The following AGTPBP1 variants were observed in gnomAD, a reference collection of about 807,000 sequenced individuals.
AGTPBP1 encodes cytosolic carboxypeptidase 1.
AGTPBP1 carries 70 observed loss-of-function variants against 143.9 expected under a neutral mutation model. The observed-to-expected ratio is 0.49, with a 90% CI of 0.40 to 0.59. AGTPBP1 has a LOEUF of 0.59. Among genes scored for constraint, AGTPBP1 ranks in the 20% least tolerant of loss-of-function variants. The pLI is 0.00. For missense variants in AGTPBP1, 1,229 were observed against 1,464.5 expected, an observed-to-expected ratio of 0.84 and a Z score of 2.62; for synonymous variants, 463 against 500.2, an observed-to-expected ratio of 0.93 and a Z score of 0.99.
chr9:85,615,467 T>C (rs1171969204), intron 17 of AGTPBP1, among the ~76,000 whole-genome samples: 6 of 152,120 alleles, frequency 3.9e-5, no homozygotes, highest in African/African-American at 4.8e-5. Flanking sequence ...CAATAGAATA[T>C]TACACAGACA....
chr9:85,578,925 A>G lies in AGTPBP1; in HGVS notation c.3337T>C (p.Tyr1113His). 1.2e-6 allele frequency: 2 copies of G among 1,612,606 alleles called. No individual in the cohort carries two copies. The highest frequency in any genetic ancestry group is 1.7e-6 in the Non-Finnish European group (2 of 1,179,456). The change falls in exon 24 of 26, where the codon TAC (tyrosine) becomes CAC (histidine). Residue 1113 changes from tyrosine to histidine, a missense_variant. Tyr to His is a moderately conservative substitution (Grantham distance 83). Coordinates refer to ENST00000357081, the MANE Select transcript of AGTPBP1 (RefSeq NM_001330701.2). ...GAAAACCTAAGATGTTTTACCTTGT[A>G]TTTTCCCTGATCACAGCCACATAAA... ...STLCGCDQGK[Y>H]KGLQIGTREL...
Position 85,546,925 on chromosome 9 carries a change from A to G in AGTPBP1, c.*184T>C. The G allele has an allele frequency of 2.0e-6, 1 of 512,620 alleles. No homozygotes were observed. The highest frequency in any genetic ancestry group is 3.4e-5 in the East Asian group (1 of 29,000). The allele number at this position is 512,620 out of a possible 1,614,324, so 31.8% of individuals were successfully genotyped here. A position where few individuals can be genotyped will look rare whatever the true frequency, so the allele number is the denominator to read the frequency against. The stretch of plus-strand genomic sequence containing the variant: ...ATAAAGTGCATTGAATATCGAAAAT[A>G]AAACAAGCGCCAATTTTATCATTAA... On this transcript the variant is annotated 3_prime_UTR_variant, in exon 26 of 26. Coordinates refer to ENST00000357081, the MANE Select transcript of AGTPBP1 (RefSeq NM_001330701.2).
At chr9:85,629,882 G>A (rs1181212628) in intron 14 of AGTPBP1, among the ~76,000 whole-genome samples, 3 of 151,510 alleles carry the variant, frequency 2.0e-5, no homozygotes, top group East Asian at 3.9e-4. Flanking sequence ...GAAATAAGAG[G>A]GTTCCTTTGT....
At position 85,637,289 on chromosome 9, in the gene AGTPBP1, C is replaced by T. The variant is rs551328534; in HGVS notation, c.1303-3915G>A. Among the ~76,000 whole-genome samples, 18 of 152,066 alleles carry T rather than the reference C, an allele frequency of 1.2e-4. No homozygotes were observed. In the East Asian group the frequency reaches 3.1e-3, roughly 26 times the overall value. On this transcript the variant is annotated intron_variant, in intron 13 of 25. Coordinates refer to ENST00000357081, the MANE Select transcript of AGTPBP1 (RefSeq NM_001330701.2). ...AACTCCTGACCTCAGGTGATCCACC[C>T]GCTTCAGCCTCTGAAAGTGCTGGGA... is the stretch of plus-strand genomic sequence containing the variant.
At chr9:85,573,819 G>A (rs1254329500) in intron 25 of AGTPBP1, among the ~76,000 whole-genome samples, 1 of 150,928 alleles carries the variant, frequency 6.6e-6, no homozygotes, top group South Asian at 2.1e-4. Flanking sequence ...GGTGAGGAGC[G>A]TCTCTGCCCG....
chr9:85,762,098 G>C, the AGTPBP1 span, among the ~76,000 whole-genome samples: 23 of 151,460 alleles, frequency 1.5e-4, no homozygotes, highest in East Asian at 3.7e-3. Flanking sequence ...TTAGAATGGC[G>C]ATCATTAAAA....
At chr9:85,692,571 G>T (rs1237647925) in intron 3 of AGTPBP1, 118 bp downstream of exon 3, 6 of 1,297,106 alleles carry the variant, frequency 4.6e-6, no homozygotes, top group Non-Finnish European at 6.3e-6. Context: ...ACCACACCCG[G>T]CCTGAAAGTT....
chr9:85,668,647 T>C (rs1022355734), intron 8 of AGTPBP1, among the ~76,000 whole-genome samples: 8 of 151,766 alleles, frequency 5.3e-5, no homozygotes, highest in Non-Finnish European at 8.8e-5. Context: ...TTTATGTATA[T>C]ATAAAATACC....
intron 21 of AGTPBP1, among the ~76,000 whole-genome samples, chr9:85,587,459 A>T (rs1828687028): frequency 6.6e-6 from 1 of 152,198 alleles, no homozygotes; most frequent in Non-Finnish European, 1.5e-5. Context: ...GGTACTAAGT[A>T]GTAAAGCTAT....
intron 8 of AGTPBP1, among the ~76,000 whole-genome samples, chr9:85,664,946 T>C (rs978730555): frequency 6.6e-6 from 1 of 152,172 alleles, no homozygotes; most frequent in African/African-American, 2.4e-5. Flanking sequence ...TGTATACACA[T>C]AGATGTCAAG....
intron 17 of AGTPBP1, among the ~76,000 whole-genome samples, chr9:85,602,736 G>A (rs192339938): frequency 1.8e-3 from 271 of 152,234 alleles, no homozygotes; most frequent in Non-Finnish European, 3.2e-3. Context: ...TTAGGTGAGC[G>A]ATCATACCAA....
intron 15 of AGTPBP1, 144 bp downstream of exon 15, chr9:85,621,055 CACA>C (rs960782463): frequency 4.0e-5 from 15 of 373,212 alleles, no homozygotes; most frequent in Middle Eastern, 7.5e-4. Flanking sequence ...CTAATTAAGT[CACA>C]ACTAGTTATA....
In AGTPBP1 at chr9:85,619,150, G is replaced by T. The variant is rs750649920; in HGVS notation, c.2187-19C>A. ...TTCATTTCTGAAAATAGAAGACAAA[G>T]AAATCTGATGAAAATTAGGAAATAT... On this transcript the variant is annotated intron_variant, in intron 16 of 25. Coordinates refer to ENST00000357081, the MANE Select transcript of AGTPBP1 (RefSeq NM_001330701.2). The T allele has an allele frequency of 1.9e-6, 3 of 1,610,682 alleles. No homozygotes were observed. Among genetic ancestry groups the T allele is most frequent in the Admixed American group, 1.7e-5 (1 of 59,642 alleles).
intron 8 of AGTPBP1, among the ~76,000 whole-genome samples, chr9:85,669,014 T>TATAC (rs1564125014): frequency 8.3e-6 from 1 of 120,514 alleles, no homozygotes; most frequent in Non-Finnish European, 1.7e-5. Flanking sequence ...TGTGTATACA[T>TATAC]ACACACACAC....
rs377066719 is a variant in AGTPBP1, at chr9:85,618,973, A to C, written c.2335+10T>G. 1 of 1,599,910 alleles carries C rather than the reference A, an allele frequency of 6.3e-7. No homozygotes were observed. The highest frequency in any genetic ancestry group is 8.5e-7 in the Non-Finnish European group (1 of 1,174,980). On this transcript the variant is annotated intron_variant, in intron 17 of 25. Transcript: ENST00000357081. ...CATGCCATTTCAATTGGGAAAGAAA[A>C]CTGTCTTACCATAATTAAACTGACT...
intron 23 of AGTPBP1, among the ~76,000 whole-genome samples, chr9:85,581,918 G>A (rs920802144): frequency 6.6e-6 from 1 of 152,084 alleles, no homozygotes; most frequent in African/African-American, 2.4e-5. Context: ...CAGATTTTGG[G>A]ATTAGGAATG....
chr9:85,575,253 T>C (rs905440251), intron 25 of AGTPBP1, 62 bp downstream of exon 25: 3 of 1,306,870 alleles, frequency 2.3e-6, no homozygotes, highest in African/African-American at 1.5e-5. Flanking sequence ...CCTTTTCTGC[T>C]ATTTTAATGA....
chr9:85,596,485 T>C (rs753199638), intron 17 of AGTPBP1, 36 bp from the exon 18 acceptor site: 1 of 1,362,184 alleles, frequency 7.3e-7, no homozygotes, highest in Non-Finnish European at 1.0e-6. Flanking sequence ...AAAATTATTT[T>C]CATAATTTTT....
At chr9:85,801,110 G>T in the AGTPBP1 span, among the ~76,000 whole-genome samples, 2 of 152,004 alleles carry the variant, frequency 1.3e-5, no homozygotes, top group East Asian at 3.9e-4. Context: ...TCAGGAGTTC[G>T]TAACTAGCCT....
Sources: allele counts gnomAD v4.1 joint callset (sites outside exome capture counted in the v4.1 genomes callset), GRCh38; gene constraint gnomAD v4.1.1; transcripts MANE v1.5; gene names NCBI Gene and HGNC (gene_info 2026-07-23, HGNC 2026-07-21).